SNURF: variants seen among roughly 807,000 people sequenced by gnomAD.
SNURF encodes SNRPN upstream open reading frame, also known as SNURF protein.
A neutral mutation model predicts 11.6 loss-of-function variants in SNURF; 6 were observed. The ratio of observed to expected loss-of-function variants is 0.52; its 90% confidence interval spans 0.28 to 1.02. The LOEUF (loss-of-function observed/expected upper bound fraction) is 1.02. SNURF is among the 50% of genes least tolerant of loss of function. The pLI is 0.09. For missense variants in SNURF, 84 were observed against 88.4 expected (o/e 0.95, Z 0.20); for synonymous variants, 29 against 31.6 (o/e 0.92, Z 0.27).
exon 1 of SNURF, chr15:24,955,020 C>T (rs766021223): frequency 2.4e-5 from 38 of 1,612,618 alleles, no homozygotes; most frequent in Middle Eastern, 2.0e-4. Context: ...ATGCCTGACG[C>T]ATCTGTCTGA....
chr15:24,960,850 G>A (rs1396242262), intron 1 of SNURF, among the ~76,000 whole-genome samples: 1 of 152,152 alleles, frequency 6.6e-6, no homozygotes, highest in Non-Finnish European at 1.5e-5. Flanking sequence ...AAGTTGATAT[G>A]CTAAGAGATA....
chr15:24,972,923 T>G (rs2076609096), downstream of SNURF, among the ~76,000 whole-genome samples: 1 of 152,144 alleles, frequency 6.6e-6, no homozygotes, highest in Non-Finnish European at 1.5e-5. Context: ...AGTCTTGCTC[T>G]GTTGCCCAGG....
intron 2 of SNURF, among the ~76,000 whole-genome samples, chr15:24,966,761 T>C (rs2075700548): frequency 6.6e-6 from 1 of 152,180 alleles, no homozygotes; most frequent in Admixed American, 6.5e-5. Context: ...AATTTTAAAA[T>C]GTTACTGAAA....
At chr15:24,974,895 A>G (rs1010747867) in intron 3 of SNURF, 28 of 702,588 alleles carry the variant, frequency 4.0e-5, no homozygotes, top group Admixed American at 1.0e-4. Context: ...GAGAAAATAC[A>G]GGAGTTTTTG....
intron 6 of SNURF, chr15:24,977,720 T>C: frequency 6.8e-7 from 1 of 1,477,022 alleles, no homozygotes; most frequent in Non-Finnish European, 9.1e-7. Context: ...TTATTTTCTG[T>C]GTTTGAATAA....
At chr15:24,967,707 C>G (rs1290819782) in intron 2 of SNURF, among the ~76,000 whole-genome samples, 1 of 148,100 alleles carries the variant, frequency 6.8e-6, no homozygotes, top group East Asian at 2.0e-4. Flanking sequence ...ACTTGGGAGG[C>G]TGAGGCAGGA....
At chr15:24,977,130 C>T in intron 6 of SNURF, 5 of 934,618 alleles carry the variant, frequency 5.3e-6, no homozygotes, top group Non-Finnish European at 7.7e-6. Context: ...ACAATGTAAA[C>T]AGCATATGGT....
chr15:24,978,418 C>G (rs1359767063), downstream of SNURF: 1 of 1,613,902 alleles, frequency 6.2e-7, no homozygotes, highest in South Asian at 1.1e-5. Context: ...TCCACCTCCC[C>G]CAGGAATGCG....
chr15:24,969,191 T>C (rs2076080404), downstream of SNURF, among the ~76,000 whole-genome samples: 1 of 152,144 alleles, frequency 6.6e-6, no homozygotes, highest in Non-Finnish European at 1.5e-5. Context: ...TGCAGTGGTA[T>C]GGTTTCGGCT....
chr15:24,967,233 T>C (rs1005617731), intron 2 of SNURF: 3 of 152,404 alleles, frequency 2.0e-5, no homozygotes, highest in African/African-American at 7.2e-5. Context: ...GAAATATTTC[T>C]AGACTTGGTA....
chr15:24,977,087 G>T, intron 6 of SNURF: 2 of 1,416,482 alleles, frequency 1.4e-6, no homozygotes, highest in Non-Finnish European at 9.5e-7. Flanking sequence ...GCCGGAGGCC[G>T]AGGAGATTTA....
At chr15:24,968,075 A>G in exon 3 of SNURF, 1 of 1,563,876 alleles carries the variant, frequency 6.4e-7, no homozygotes, top group Non-Finnish European at 8.8e-7. Context: ...ATTCCAAGCA[A>G]AAACCAGGTT....
At chr15:24,970,773 C>T (rs1386404173), downstream of SNURF, among the ~76,000 whole-genome samples, 1 of 152,040 alleles carries the variant, frequency 6.6e-6, no homozygotes, top group African/African-American at 2.4e-5. Flanking sequence ...ATTAGTAGAC[C>T]ATTAGTTTCT....
At chr15:24,959,869 A>T (rs2074484208) in intron 1 of SNURF, among the ~76,000 whole-genome samples, 1 of 152,206 alleles carries the variant, frequency 6.6e-6, no homozygotes, top group Non-Finnish European at 1.5e-5. Flanking sequence ...AATTAGTTTC[A>T]CAAGGTTTTA....
At chr15:24,955,576 G>C (rs763224327) in intron 1 of SNURF, among the ~76,000 whole-genome samples, 24 of 149,730 alleles carry the variant, frequency 1.6e-4, no homozygotes, top group Non-Finnish European at 3.0e-4. Flanking sequence ...TGACCACTGC[G>C]TGGTGGAGCA....
chr15:24,963,536 G>A (rs1012543040), intron 2 of SNURF, among the ~76,000 whole-genome samples: 3 of 151,280 alleles, frequency 2.0e-5, no homozygotes, highest in African/African-American at 7.3e-5. Flanking sequence ...AATTGTTTGA[G>A]CCCAGGAGAC....
At position 24,977,107 on chromosome 15, in the gene SNURF, G is replaced by T. The variant is rs2077145055; in HGVS notation, c.*462+78G>T. 3 of 1,183,634 alleles carry T rather than the reference G, an allele frequency of 2.5e-6. No homozygotes were observed. The Admixed American group carries it at 8.6e-5, about 34-fold the overall frequency. The allele number at this position is 1,183,634 out of a possible 1,614,324, so 73.3% of individuals were successfully genotyped here. On this transcript the variant is annotated intron_variant and NMD_transcript_variant, in intron 6 of 6. Coordinates refer to the SNURF transcript ENST00000580062. ...AGGCCGAGGAGATTTAAAAACCTAA[G>T]TGTATGTGTCATACAATGTAAACAG...
At chr15:24,965,337 A>G (rs2075450750) in intron 2 of SNURF, among the ~76,000 whole-genome samples, 1 of 152,146 alleles carries the variant, frequency 6.6e-6, no homozygotes, top group African/African-American at 2.4e-5. Context: ...CAGGAGTTCA[A>G]GACCAGCCTG....
rs71127030 is a variant in SNURF, at chr15:24,958,486, G to GTTTTTTTT, written c.14+3451_14+3458dup. On this transcript the variant is annotated intron_variant, in intron 1 of 2. Coordinates refer to ENST00000577949, the Ensembl canonical transcript of SNURF. The stretch of plus-strand genomic sequence containing the variant: ...ATTTCTGGATGCTAGCTGGCTCAAA[G>GTTTTTTTT]TTTTTTTTTTTTTTTTTTTTTTTTT... 8.7e-4 allele frequency among the ~76,000 whole-genome samples: 57 copies of GTTTTTTTT among 65,294 alleles called. 3 individuals carry two copies. Among genetic ancestry groups the GTTTTTTTT allele is most frequent in the Non-Finnish European group, 1.1e-3 (41 of 36,716 alleles). 42.8% of individuals were successfully genotyped at this position (65,294 alleles called of 152,430 possible). A position where few individuals can be genotyped will look rare whatever the true frequency, so the allele number is the denominator to read the frequency against.
Sources: gnomAD v4.1 joint callset for allele counts (sites outside exome capture counted in the v4.1 genomes callset) on GRCh38, gnomAD v4.1.1 for gene constraint, MANE v1.5 for transcripts, NCBI Gene and HGNC (gene_info 2026-07-23, HGNC 2026-07-21) for gene names.